The following SCGB2B2 variants were observed in gnomAD, a reference collection of about 807,000 sequenced individuals.
SCGB2B2 encodes the protein secretoglobin family 2B member 2.
Under a neutral mutation model 7.6 loss-of-function variants are expected in SCGB2B2, and 11 were observed. The ratio of observed to expected loss-of-function variants is 1.45; its 90% CI spans 0.91 to 2.40. The LOEUF is 2.40. Ranked by LOEUF, SCGB2B2 falls within the 30% of genes most tolerant of loss-of-function variation. The pLI, the probability that SCGB2B2 is intolerant of heterozygous loss-of-function variation, is 0.00. For missense variants in SCGB2B2, 104 were observed against 115.4 expected (o/e 0.90, Z 0.45); for synonymous variants, 50 against 48.6 (o/e 1.03, Z -0.12).
intron 1 of SCGB2B2, among the ~76,000 whole-genome samples, chr19:34,613,100 TTC>T (rs2065978612): frequency 2.3e-5 from 1 of 43,962 alleles, no homozygotes; most frequent in Non-Finnish European, 4.9e-5. Context: ...TCATTTTCTT[TTC>T]TTTTTTTTTT....
At chr19:34,659,075 G>A (rs34968526) in intron 1 of SCGB2B2, among the ~76,000 whole-genome samples, 39,617 of 152,038 alleles carry the variant, frequency 0.26, 5,273 homozygotes, top group South Asian at 0.34. Flanking sequence ...AAAGGCCTTC[G>A]ATGAAATTCA....
intron 1 of SCGB2B2, among the ~76,000 whole-genome samples, chr19:34,628,689 C>A (rs1449762167): frequency 6.6e-6 from 1 of 151,864 alleles, no homozygotes; most frequent in Non-Finnish European, 1.5e-5. Flanking sequence ...ACCAGAGGTA[C>A]AAAGAGGAGC....
intron 1 of SCGB2B2, among the ~76,000 whole-genome samples, chr19:34,639,662 T>G (rs890748527): frequency 6.6e-6 from 1 of 152,188 alleles, no homozygotes; most frequent in African/African-American, 2.4e-5. Context: ...TTTAACTTAC[T>G]TCTGCTCAAA....
At chr19:34,596,855 G>A (rs557407644) in intron 1 of SCGB2B2, among the ~76,000 whole-genome samples, 5 of 151,912 alleles carry the variant, frequency 3.3e-5, no homozygotes, top group South Asian at 2.1e-4. Flanking sequence ...GCAGAGGGCC[G>A]CCCTCCCTCC....
chr19:34,673,524 G>A (rs1461022700), intron 1 of SCGB2B2, among the ~76,000 whole-genome samples: 1 of 152,140 alleles, frequency 6.6e-6, no homozygotes, highest in African/African-American at 2.4e-5. Context: ...TGAGCAGGAG[G>A]CCCTCAGAAA....
intron 1 of SCGB2B2, among the ~76,000 whole-genome samples, chr19:34,671,522 C>T (rs548574129): frequency 1.3e-5 from 2 of 151,766 alleles, no homozygotes; most frequent in Non-Finnish European, 2.9e-5. Context: ...ATAAAAGCAT[C>T]GTGGGATTTT....
chr19:34,667,759 A>G (rs1216028410), intron 1 of SCGB2B2, among the ~76,000 whole-genome samples: 1 of 152,010 alleles, frequency 6.6e-6, no homozygotes. Context: ...TCCTCCTGTA[A>G]CGGGAAGGTG....
intron 1 of SCGB2B2, among the ~76,000 whole-genome samples, chr19:34,597,684 C>T (rs774093852): frequency 3.3e-5 from 5 of 151,984 alleles, no homozygotes; most frequent in Non-Finnish European, 7.4e-5. Context: ...AGGAGGGACG[C>T]GAGGCCTTCC....
chr19:34,614,720 G>A (rs2066023464), intron 1 of SCGB2B2, among the ~76,000 whole-genome samples: 1 of 152,152 alleles, frequency 6.6e-6, no homozygotes, highest in Non-Finnish European at 1.5e-5. Flanking sequence ...TACATCTGGT[G>A]GAACAATTGC....
At chr19:34,622,647 A>C (rs1050901343) in intron 1 of SCGB2B2, among the ~76,000 whole-genome samples, 2 of 152,166 alleles carry the variant, frequency 1.3e-5, no homozygotes, top group African/African-American at 4.8e-5. Flanking sequence ...AATTGAGGAG[A>C]GCCTCAGTGT....
intron 1 of SCGB2B2, among the ~76,000 whole-genome samples, chr19:34,610,860 C>A (rs770714658): frequency 6.8e-6 from 1 of 148,030 alleles, no homozygotes; most frequent in Non-Finnish European, 1.5e-5. Flanking sequence ...GAATTCCATT[C>A]TTTTCAATTT....
rs776925828 is a variant in SCGB2B2, at chr19:34,593,576, A to G, written c.270T>C (p.Asp90=). 23 of 1,553,716 alleles carry G rather than the reference A, an allele frequency of 1.5e-5. No homozygotes were observed. Among genetic ancestry groups the G allele is most frequent in the Non-Finnish European group, 1.8e-5 (21 of 1,148,148 alleles). Residue 90 remains aspartate, a synonymous_variant, in exon 4 of 4, where the codon GAT becomes GAC. Coordinates refer to ENST00000601241, the MANE Select transcript of SCGB2B2 (RefSeq NM_001025591.4). ...CAGATCAGAAGGCTGCTTCTATGCA[A>G]TCGTTGCTCTGAAGGATCTTCTTCT... ...VVIKKILQSN[D]CIEAAF
intron 1 of SCGB2B2, among the ~76,000 whole-genome samples, chr19:34,647,070 C>T (rs1568439838): frequency 1.3e-5 from 2 of 152,104 alleles, no homozygotes; most frequent in African/African-American, 4.8e-5. Flanking sequence ...AAACCTTGCC[C>T]TCCTGGCTGA....
chr19:34,601,253 G>C (rs1240460768), intron 1 of SCGB2B2, among the ~76,000 whole-genome samples: 1 of 152,216 alleles, frequency 6.6e-6, no homozygotes, highest in Non-Finnish European at 1.5e-5. Context: ...CTGTTTGTCT[G>C]TCTCTATGCC....
downstream of SCGB2B2, among the ~76,000 whole-genome samples, chr19:34,587,601 T>C (rs543978681): frequency 5.3e-4 from 81 of 152,334 alleles, no homozygotes; most frequent in African/African-American, 1.7e-3. Context: ...ATTCTTGCCT[T>C]GTTCCAGATC....
intron 1 of SCGB2B2, chr19:34,640,705 G>A (rs1452189828): frequency 2.0e-5 from 3 of 152,076 alleles, no homozygotes; most frequent in South Asian, 2.1e-4. Context: ...CACCACTATC[G>A]ATGTCCAAAA....
intron 1 of SCGB2B2, among the ~76,000 whole-genome samples, chr19:34,626,328 C>T (rs939336023): frequency 3.9e-5 from 6 of 151,932 alleles, no homozygotes; most frequent in Admixed American, 1.3e-4. Flanking sequence ...GGAGGAAGTT[C>T]GAACCCATGG....
At chr19:34,641,571 G>A (rs1600060700) in intron 1 of SCGB2B2, among the ~76,000 whole-genome samples, 1 of 152,222 alleles carries the variant, frequency 6.6e-6, no homozygotes, top group African/African-American at 2.4e-5. Flanking sequence ...ATTTGGTAGC[G>A]GAAGGTCAAG....
chr19:34,649,078 ATCTT>A (rs1278104757), intron 1 of SCGB2B2, among the ~76,000 whole-genome samples: 1 of 151,790 alleles, frequency 6.6e-6, no homozygotes, highest in Non-Finnish European at 1.5e-5. Context: ...GATTTTTTGT[ATCTT>A]TCTTTAGTAG....
Sources: allele counts gnomAD v4.1 joint callset (sites outside exome capture counted in the v4.1 genomes callset), GRCh38; gene constraint gnomAD v4.1.1; transcripts MANE v1.5; gene names NCBI Gene and HGNC (gene_info 2026-07-23, HGNC 2026-07-21).